Variants in SRGAP2C observed in about 807,000 individuals in gnomAD.
SRGAP2C encodes the protein SLIT-ROBO Rho GTPase activating protein 2C.
In SRGAP2C, 15 loss-of-function variants were observed where a neutral mutation model predicts 25.1. The ratio of observed to expected loss-of-function variants is 0.60; its 90% CI spans 0.40 to 0.92. The LOEUF (loss-of-function observed/expected upper bound fraction) is 0.92. Among genes scored for constraint, SRGAP2C ranks in the 40% least tolerant of loss-of-function variants. SRGAP2C has a pLI of 0.00. For synonymous variants in SRGAP2C, 44 were observed against 96.6 expected, an observed-to-expected ratio of 0.46 and a Z score of 3.19; for missense variants, 144 against 264.4, an observed-to-expected ratio of 0.54 and a Z score of 3.16.
chr1:121,389,160 G>A lies in SRGAP2C; in HGVS notation c.*1305G>A, dbSNP rs1229112101. ...TAATATTCTTTAAGCATATTTATGA[G>A]TAAAATATTAAAACCTATACAAAAA... On this transcript the variant is annotated 3_prime_UTR_variant, in exon 10 of 10. Coordinates refer to ENST00000367123, the MANE Select transcript of SRGAP2C (RefSeq NM_001329984.2). 2 of 151,924 alleles carry A rather than the reference G, an allele frequency of 1.3e-5. No individual in the cohort carries two copies. Among genetic ancestry groups the A allele is most frequent in the African/African-American group, 4.8e-5 (2 of 41,344 alleles). The allele number at this position is 151,924 out of a possible 1,614,324, so 9.4% of individuals were successfully genotyped here.
At chr1:121,366,755 C>A (rs1481799015) in intron 5 of SRGAP2C, among the ~76,000 whole-genome samples, 1 of 151,486 alleles carries the variant, frequency 6.6e-6, no homozygotes, top group Non-Finnish European at 1.5e-5. Flanking sequence ...TGTATAAATT[C>A]TTTTATTTTC....
chr1:121,336,532 C>T (rs1453198709), intron 4 of SRGAP2C, among the ~76,000 whole-genome samples: 3 of 108,660 alleles, frequency 2.8e-5, no homozygotes, highest in South Asian at 3.0e-4. Context: ...CTTGTTTCCT[C>T]CTTCCCTTCC....
intron 2 of SRGAP2C, among the ~76,000 whole-genome samples, chr1:121,192,092 A>G (rs587651394): frequency 1.3e-5 from 2 of 151,944 alleles, no homozygotes; most frequent in African/African-American, 4.8e-5. Flanking sequence ...GTGTATGTAT[A>G]TATACTTGGG....
intron 3 of SRGAP2C, among the ~76,000 whole-genome samples, chr1:121,289,506 G>A (rs1300379487): frequency 7.2e-6 from 1 of 138,344 alleles, no homozygotes; most frequent in Non-Finnish European, 1.6e-5. Flanking sequence ...CTCCCTGCAA[G>A]CTGAGGGAGT....
chr1:121,259,749 T>G (rs1433532455), intron 2 of SRGAP2C, among the ~76,000 whole-genome samples: 4 of 150,968 alleles, frequency 2.6e-5, no homozygotes, highest in Non-Finnish European at 4.4e-5. Flanking sequence ...ATTGCTAGTG[T>G]TTAGAAGGTA....
intron 2 of SRGAP2C, among the ~76,000 whole-genome samples, chr1:121,232,902 G>T (rs1468230100): frequency 7.1e-6 from 1 of 140,584 alleles, no homozygotes; most frequent in South Asian, 2.5e-4. Flanking sequence ...AAACTATGAG[G>T]CCTAGAATTG....
chr1:121,324,508 C>A lies in SRGAP2C; in HGVS notation c.291C>A (p.Asn97Lys), dbSNP rs1658276279. ...KKDQNVLSPV[N>K]CWNLLLNQVK... ...ATCAGAATGTTCTCTCTCCAGTCAA[C>A]TGCTGGAATCTCCTCTTAAACCAGG... Residue 97 changes from asparagine to lysine, a missense_variant, in exon 4 of 10, where the codon AAC (asparagine) becomes AAA (lysine). Asn to Lys is a moderately conservative substitution (Grantham distance 94). Coordinates refer to ENST00000367123, the MANE Select transcript of SRGAP2C (RefSeq NM_001329984.2). 6.2e-7 allele frequency: 1 copy of A among 1,613,056 alleles called. No homozygotes were observed. The highest frequency in any genetic ancestry group is 8.5e-7 in the Non-Finnish European group (1 of 1,179,086).
chr1:121,195,666 C>T (rs1370131874), intron 2 of SRGAP2C, among the ~76,000 whole-genome samples: 3 of 143,134 alleles, frequency 2.1e-5, no homozygotes, highest in African/African-American at 7.8e-5. Flanking sequence ...CCTATTGTTT[C>T]GACCACATTT....
intron 2 of SRGAP2C, among the ~76,000 whole-genome samples, chr1:121,204,157 CAA>C (rs1170169139): frequency 8.0e-6 from 1 of 125,490 alleles, no homozygotes; most frequent in African/African-American, 3.3e-5. Flanking sequence ...ATCCTGTCTC[CAA>C]AAAAAAAAGA....
At chr1:121,315,458 G>A (rs1162260777) in intron 3 of SRGAP2C, among the ~76,000 whole-genome samples, 2 of 147,896 alleles carry the variant, frequency 1.4e-5, no homozygotes, top group African/African-American at 2.5e-5. Context: ...GAGTGTAGAT[G>A]GAGTTTCACA....
intron 2 of SRGAP2C, among the ~76,000 whole-genome samples, chr1:121,224,221 G>T (rs1371561928): frequency 5.3e-5 from 5 of 94,964 alleles, no homozygotes; most frequent in Middle Eastern, 5.2e-3. Context: ...TATTTTGCAC[G>T]TCTCTGTAGA....
chr1:121,383,906 TTCC>T lies in SRGAP2C; in HGVS notation c.1056+983_1056+985del, dbSNP rs1281847696. Among the ~76,000 whole-genome samples the T allele has an allele frequency of 1.1e-4, 9 of 82,344 alleles. No individual in the cohort carries two copies. The East Asian group carries it at 3.4e-3, about 31-fold the overall frequency. 54.0% of individuals were successfully genotyped at this position (82,344 alleles called of 152,430 possible). ...CACTGTTTTGCTGTCTCTGTACTACTTCCTGTGTGTTAACTCCATTCTCAGACA... is the reference window on the plus strand; with the variant it reads ...CACTGTTTTGCTGTCTCTGTACTACTTGTGTGTTAACTCCATTCTCAGACA... On this transcript the variant is annotated intron_variant, in intron 8 of 9. Transcript: ENST00000367123.
chr1:121,221,109 GC>G (rs1553325522), intron 2 of SRGAP2C, among the ~76,000 whole-genome samples: 4 of 145,118 alleles, frequency 2.8e-5, no homozygotes, highest in Non-Finnish European at 6.0e-5. Context: ...CACCATGTTG[GC>G]CAGGCTGGTC....
chr1:121,285,095 C>T (rs1337197604), intron 3 of SRGAP2C, 100 bp downstream of exon 3: 4 of 487,684 alleles, frequency 8.2e-6, no homozygotes, highest in Non-Finnish European at 1.4e-5. Flanking sequence ...AATTCAGGAG[C>T]CCCTGGCTTC....
At chr1:121,285,669 C>A (rs1657346987) in intron 3 of SRGAP2C, among the ~76,000 whole-genome samples, 1 of 142,750 alleles carries the variant, frequency 7.0e-6, no homozygotes, top group Non-Finnish European at 1.5e-5. Context: ...ATCTTTTTTG[C>A]CTGAATGATT....
chr1:121,351,698 A>T (rs1447686333), intron 4 of SRGAP2C, among the ~76,000 whole-genome samples: 4 of 149,942 alleles, frequency 2.7e-5, no homozygotes, highest in African/African-American at 9.9e-5. Flanking sequence ...GATTTATGGA[A>T]CAAACTTAAA....
intron 2 of SRGAP2C, among the ~76,000 whole-genome samples, chr1:121,206,814 T>C (rs1459472411): frequency 6.6e-6 from 1 of 151,640 alleles, no homozygotes; most frequent in Non-Finnish European, 1.5e-5. Context: ...GACCACACTG[T>C]AATCAAGAGA....
At chr1:121,353,082 T>C (rs1392751226) in intron 4 of SRGAP2C, among the ~76,000 whole-genome samples, 4 of 150,740 alleles carry the variant, frequency 2.7e-5, no homozygotes, top group Non-Finnish European at 5.9e-5. Flanking sequence ...TGAGTGAGAC[T>C]CCATCTCCAA....
At chr1:121,234,983 A>C (rs1570725811) in intron 2 of SRGAP2C, among the ~76,000 whole-genome samples, 13 of 132,538 alleles carry the variant, frequency 9.8e-5, no homozygotes, top group African/African-American at 2.0e-4. Flanking sequence ...TCCCTCCCTC[A>C]CTTCCTTCAC....
Sources: allele counts gnomAD v4.1 joint callset (sites outside exome capture counted in the v4.1 genomes callset), GRCh38; gene constraint gnomAD v4.1.1; transcripts MANE v1.5; gene names NCBI Gene and HGNC (gene_info 2026-07-23, HGNC 2026-07-21).